The following WWC2 variants were observed in gnomAD, a reference collection of about 807,000 sequenced individuals.
WWC2 encodes protein WWC2.
A neutral mutation model predicts 138.5 loss-of-function variants in WWC2; 101 were observed. The ratio of observed to expected loss-of-function variants is 0.73; its 90% CI spans 0.62 to 0.86. The LOEUF (loss-of-function observed/expected upper bound fraction) is 0.86. Ranked by LOEUF, WWC2 falls within the 40% of genes least tolerant of loss-of-function variation. WWC2 has a pLI of 0.00. For missense variants in WWC2, 1,420 were observed against 1,419.4 expected, an observed-to-expected ratio of 1.00 and a Z score of -0.01; for synonymous variants, 558 against 538.4, an observed-to-expected ratio of 1.04 and a Z score of -0.50.
At chr4:183,207,727 G>A (rs1560843304) in intron 2 of WWC2, among the ~76,000 whole-genome samples, 1 of 152,176 alleles carries the variant, frequency 6.6e-6, no homozygotes, top group Non-Finnish European at 1.5e-5. Flanking sequence ...AACATTGTGT[G>A]TGGTAGATTT....
intron 20 of WWC2, among the ~76,000 whole-genome samples, chr4:183,287,909 A>T (rs140061305): frequency 2.0e-5 from 3 of 152,288 alleles, no homozygotes; most frequent in Non-Finnish European, 2.9e-5. Context: ...TACCACATAG[A>T]AACTGGCCAA....
At chr4:183,313,734 C>A (rs767116879) in intron 22 of WWC2, among the ~76,000 whole-genome samples, 1 of 151,174 alleles carries the variant, frequency 6.6e-6, no homozygotes, top group Non-Finnish European at 1.5e-5. Flanking sequence ...GAAGGGCTCG[C>A]CCCAAAAGAG....
Position 183,320,266 on chromosome 4 carries a change from G to A in WWC2, c.*4537G>A, listed in dbSNP as rs1276310578. On this transcript the variant is annotated 3_prime_UTR_variant, in exon 23 of 23. Transcript: ENST00000403733. ...CCAAACTAACTCCTGCCCTTCGGTT[G>A]CTGTGAAAAGAAGTGTGACACTTGT... 6.6e-7 allele frequency: 1 copy of A among 1,523,826 alleles called. No individual in the cohort carries two copies. The allele number at this position is 1,523,826 out of a possible 1,614,324, so 94.4% of individuals were successfully genotyped here.
intron 15 of WWC2, among the ~76,000 whole-genome samples, 172 bp from the exon 16 acceptor site, chr4:183,270,908 A>G (rs762283525): frequency 6.6e-6 from 1 of 152,156 alleles, no homozygotes; most frequent in Non-Finnish European, 1.5e-5. Flanking sequence ...AAAATATAAC[A>G]TATCCCCATG....
At chr4:183,225,637 A>C (rs1331100454) in intron 4 of WWC2, among the ~76,000 whole-genome samples, 1 of 152,252 alleles carries the variant, frequency 6.6e-6, no homozygotes, top group Non-Finnish European at 1.5e-5. Context: ...AATCAAATGC[A>C]ATAACTAACA....
chr4:183,202,931 G>A (rs1735341971), intron 2 of WWC2, among the ~76,000 whole-genome samples: 2 of 152,154 alleles, frequency 1.3e-5, no homozygotes, highest in Admixed American at 6.5e-5. Flanking sequence ...ATATTTTGCA[G>A]TATCTCATTT....
intron 1 of WWC2, among the ~76,000 whole-genome samples, chr4:183,111,978 G>C (rs752714252): frequency 6.6e-6 from 1 of 152,102 alleles, no homozygotes; most frequent in African/African-American, 2.4e-5. Context: ...GATTACAGGC[G>C]TGAGCCACCA....
At chr4:183,106,028 G>A (rs965343011) in intron 1 of WWC2, among the ~76,000 whole-genome samples, 2 of 151,690 alleles carry the variant, frequency 1.3e-5, no homozygotes, top group African/African-American at 4.8e-5. Flanking sequence ...TGCCCAGGCT[G>A]GGGTGCAGTG....
At chr4:183,262,894 C>A (rs1320412488) in intron 11 of WWC2, among the ~76,000 whole-genome samples, 1 of 152,150 alleles carries the variant, frequency 6.6e-6, no homozygotes, top group East Asian at 1.9e-4. Context: ...ACTACCCAAT[C>A]TCTCAGGATT....
intron 2 of WWC2, among the ~76,000 whole-genome samples, chr4:183,207,367 A>G (rs1414300619): frequency 1.3e-5 from 2 of 152,242 alleles, no homozygotes; most frequent in Admixed American, 6.5e-5. Flanking sequence ...AATACAAGAA[A>G]AAGTGAATTA....
At chr4:183,137,339 G>A (rs955238102) in intron 1 of WWC2, among the ~76,000 whole-genome samples, 1 of 151,556 alleles carries the variant, frequency 6.6e-6, no homozygotes, top group South Asian at 2.1e-4. Flanking sequence ...TCTTTTCTTT[G>A]TGTCCTTGTT....
At position 183,317,515 on chromosome 4, in the gene WWC2, G is replaced by A. The variant is rs1739479731; in HGVS notation, c.*1786G>A. ...AAGAATACAGTTCACCCTTGTCAAG[G>A]TCAAATGTGAAAGACAGAAGTTTAT... is the stretch of plus-strand genomic sequence containing the variant. On this transcript the variant is annotated 3_prime_UTR_variant, in exon 23 of 23. Transcript: ENST00000403733. 6.6e-6 allele frequency: 1 copy of A among 152,590 alleles called. No individual in the cohort carries two copies. The highest frequency in any genetic ancestry group is 2.4e-5 in the African/African-American group (1 of 41,450). 9.5% of individuals were successfully genotyped at this position (152,590 alleles called of 1,614,324 possible).
intron 11 of WWC2, 121 bp downstream of exon 11, chr4:183,261,653 GT>G (rs1406017351): frequency 1.6e-6 from 2 of 1,217,922 alleles, no homozygotes; most frequent in African/African-American, 3.1e-5. Context: ...TTGAGTAATC[GT>G]TTTGGCTTCA....
At chr4:183,181,843 ACT>A (rs1156585640) in intron 1 of WWC2, among the ~76,000 whole-genome samples, 2 of 152,172 alleles carry the variant, frequency 1.3e-5, no homozygotes, top group African/African-American at 4.8e-5. Context: ...AGTAGATGTC[ACT>A]CTACAGGAAA....
In WWC2 at chr4:183,202,037, G is replaced by T. The variant is rs528892456; in HGVS notation, c.242-5916G>T. Among the ~76,000 whole-genome samples the T allele has an allele frequency of 2.6e-5, 4 of 152,310 alleles. No homozygotes were observed. The East Asian group carries it at 5.8e-4, about 22-fold the overall frequency. Reference sequence around the variant, plus strand: ...GTTGGAAGGCAGAAGGAGCAGAGGAGAAATCATGGCCCAGAGCCTGTATTG... The same window carrying T: ...GTTGGAAGGCAGAAGGAGCAGAGGATAAATCATGGCCCAGAGCCTGTATTG... On this transcript the variant is annotated intron_variant, in intron 2 of 22. Transcript: ENST00000403733.
At chr4:183,251,443 A>T (rs1736980592) in intron 8 of WWC2, among the ~76,000 whole-genome samples, 1 of 152,204 alleles carries the variant, frequency 6.6e-6, no homozygotes, top group Non-Finnish European at 1.5e-5. Context: ...CTTCCCATGG[A>T]TCAGCTTCAA....
intron 4 of WWC2, among the ~76,000 whole-genome samples, chr4:183,234,340 T>C (rs1171356652): frequency 1.3e-5 from 2 of 152,184 alleles, no homozygotes; most frequent in Admixed American, 1.3e-4. Flanking sequence ...GAGATTTGGC[T>C]CCACAGAAAT....
intron 1 of WWC2, among the ~76,000 whole-genome samples, chr4:183,175,894 G>A (rs1211192670): frequency 6.6e-6 from 1 of 152,206 alleles, no homozygotes; most frequent in Non-Finnish European, 1.5e-5. Context: ...AAACAAAGAA[G>A]CAGTATTTGT....
intron 2 of WWC2, among the ~76,000 whole-genome samples, chr4:183,198,009 G>C (rs951570768): frequency 6.6e-6 from 1 of 152,114 alleles, no homozygotes; most frequent in Non-Finnish European, 1.5e-5. Context: ...TCAGTTTTGG[G>C]AATAGATTCT....
Sources: allele counts gnomAD v4.1 joint callset (sites outside exome capture counted in the v4.1 genomes callset), GRCh38; gene constraint gnomAD v4.1.1; transcripts MANE v1.5; gene names NCBI Gene and HGNC (gene_info 2026-07-23, HGNC 2026-07-21).